Variants in LMX1B observed in about 807,000 individuals in gnomAD.
LMX1B encodes LIM homeobox transcription factor 1-beta.
Under a neutral mutation model 51.4 loss-of-function variants are expected in LMX1B, and 12 were observed. The ratio of observed to expected loss-of-function variants is 0.23; its 90% CI spans 0.15 to 0.38. LMX1B has a LOEUF of 0.38. Ranked by LOEUF, LMX1B falls within the 10% of genes least tolerant of loss-of-function variation. LMX1B has a pLI of 1.00. For synonymous variants in LMX1B, 237 were observed against 235.4 expected, an observed-to-expected ratio of 1.01 and a Z score of -0.06; for missense variants, 445 against 571.1, an observed-to-expected ratio of 0.78 and a Z score of 2.25.
intron 2 of LMX1B, among the ~76,000 whole-genome samples, chr9:126,688,160 T>C (rs10987411): frequency 0.46 from 69,692 of 152,160 alleles, 16,284 homozygotes; most frequent in East Asian, 0.54. Context: ...GCGCTGCCTC[T>C]GTAATGGCGG....
rs529926710 is a variant in LMX1B, at chr9:126,672,452, G to GTTTAT, written c.327-18365_327-18361dup. Among the ~76,000 whole-genome samples the GTTTAT allele has an allele frequency of 1.5e-3, 223 of 152,252 alleles. 2 individuals carry two copies. Among genetic ancestry groups the GTTTAT allele is most frequent in the East Asian group, 6.8e-3 (35 of 5,182 alleles). ...AGTGATTAGAAGCTGCAGAGACTCAGTTTATTTTATTTTATTTTATTTTTT... is the reference window on the plus strand; with the variant it reads ...AGTGATTAGAAGCTGCAGAGACTCAGTTTATTTTATTTTATTTTATTTTATTTTTT... On this transcript the variant is annotated intron_variant, in intron 2 of 7. Transcript: ENST00000373474.
intron 2 of LMX1B, among the ~76,000 whole-genome samples, chr9:126,680,512 A>G (rs1836652351): frequency 6.6e-6 from 1 of 152,226 alleles, no homozygotes; most frequent in South Asian, 2.1e-4. Flanking sequence ...TTAGTAAGCA[A>G]TAATAATGAT....
Position 126,615,391 on chromosome 9 carries a change from T to C in LMX1B, c.148T>C (p.Cys50Arg). 1 of 1,599,532 alleles carries C rather than the reference T, an allele frequency of 6.3e-7. No individual in the cohort carries two copies. The highest frequency in any genetic ancestry group is 8.5e-7 in the Non-Finnish European group (1 of 1,174,838). ...CGCCCTGTGCGCTACAGGCTCCGAC[T>C]GCCCGCATCCCGCCGTCTGCGAGGG... ...ATLGVLLGSD[C>R]PHPAVCEGCQ... The change falls in exon 2 of 8, where the codon TGC becomes CGC. Residue 50 changes from cysteine (C) to arginine (R), a missense_variant. Physicochemically the swap from Cys to Arg is radical, Grantham distance 180. Around this residue, in one of 3 missense-constraint regions of LMX1B, gnomAD observed 273 missense variants for 343.3 expected, o/e 0.80. Coordinates refer to ENST00000373474, the MANE Select transcript of LMX1B (RefSeq NM_001174147.2). The surrounding 1 kb of genome is among the most constrained non-coding windows in gnomAD (Gnocchi z 6.0).
intron 2 of LMX1B, among the ~76,000 whole-genome samples, chr9:126,637,670 C>A (rs1468857619): frequency 6.6e-6 from 1 of 152,050 alleles, no homozygotes; most frequent in Non-Finnish European, 1.5e-5. Context: ...ACAGGCAGAG[C>A]AGCAGATGGC....
intron 2 of LMX1B, among the ~76,000 whole-genome samples, chr9:126,689,874 T>C (rs975493688): frequency 2.0e-5 from 3 of 152,238 alleles, no homozygotes; most frequent in African/African-American, 7.2e-5. Flanking sequence ...ATGGGGTTAA[T>C]GTTCATTCTT....
intron 2 of LMX1B, among the ~76,000 whole-genome samples, chr9:126,631,154 G>A (rs1006026097): frequency 1.4e-4 from 21 of 152,378 alleles, no homozygotes; most frequent in East Asian, 7.7e-4. Flanking sequence ...GGAGCTGGCC[G>A]CCCACTGGTT....
At chr9:126,681,956 C>T (rs1252107230) in intron 2 of LMX1B, among the ~76,000 whole-genome samples, 2 of 150,948 alleles carry the variant, frequency 1.3e-5, no homozygotes, top group Non-Finnish European at 3.0e-5. Context: ...CACCCCCCCA[C>T]CCTTCCCAGG....
Position 126,637,853 on chromosome 9 carries a change from G to T in LMX1B, c.326+22284G>T, listed in dbSNP as rs374851174. On this transcript the variant is annotated intron_variant, in intron 2 of 7. Coordinates refer to ENST00000373474, the MANE Select transcript of LMX1B (RefSeq NM_001174147.2). ...CCCCCCGCCCCCCGCTCTCTGTACT[G>T]GGAACAGTACAGTACCCTCCCCTCC... is the stretch of plus-strand genomic sequence containing the variant. Among the ~76,000 whole-genome samples the T allele has an allele frequency of 9.1e-4, 109 of 119,786 alleles. 2 individuals are homozygous for T. The South Asian group carries it at 0.028, about 31-fold the overall frequency. 78.6% of individuals were successfully genotyped at this position (119,786 alleles called of 152,430 possible).
chr9:126,635,363 G>T lies in LMX1B; in HGVS notation c.326+19794G>T, dbSNP rs573713038. 1.5e-3 allele frequency among the ~76,000 whole-genome samples: 222 copies of T among 152,364 alleles called. 3 individuals are homozygous for T. Among genetic ancestry groups the T allele is most frequent in the African/African-American group, 5.1e-3 (214 of 41,586 alleles). On this transcript the variant is annotated intron_variant, in intron 2 of 7. Transcript: ENST00000373474. ...GAGAACAGCTACATAGAGGAGGCGGGCACGAGAAGCTTCTGCAAAACCAGT... is the reference window on the plus strand; with the variant it reads ...GAGAACAGCTACATAGAGGAGGCGGTCACGAGAAGCTTCTGCAAAACCAGT...
At chr9:126,691,371 T>C (rs1303589361) in intron 3 of LMX1B, among the ~76,000 whole-genome samples, 1 of 151,930 alleles carries the variant, frequency 6.6e-6, no homozygotes, top group East Asian at 1.9e-4. Flanking sequence ...CTACCCTGAG[T>C]ATGGATACAT....
intron 2 of LMX1B, among the ~76,000 whole-genome samples, chr9:126,627,421 G>C (rs1835555261): frequency 6.6e-6 from 1 of 151,846 alleles, no homozygotes; most frequent in Non-Finnish European, 1.5e-5. Context: ...CTAACTTTGA[G>C]GGACTCTTCC....
intron 2 of LMX1B, among the ~76,000 whole-genome samples, chr9:126,632,114 C>A (rs1472589320): frequency 6.6e-6 from 1 of 152,162 alleles, no homozygotes; most frequent in Non-Finnish European, 1.5e-5. Context: ...TCCACTCTCT[C>A]GCAAGCAAAA....
At chr9:126,652,562 C>T (rs1212911549) in intron 2 of LMX1B, among the ~76,000 whole-genome samples, 5 of 152,220 alleles carry the variant, frequency 3.3e-5, no homozygotes, top group Non-Finnish European at 5.9e-5. Flanking sequence ...GTCTGTCCTC[C>T]GTGTGTACAC....
chr9:126,681,403 G>A (rs147094653), intron 2 of LMX1B, among the ~76,000 whole-genome samples: 7 of 152,184 alleles, frequency 4.6e-5, no homozygotes, highest in Non-Finnish European at 8.8e-5. Flanking sequence ...CCATCATTCC[G>A]GATGCTCAGC....
At chr9:126,657,770 C>T (rs554564721) in intron 2 of LMX1B, among the ~76,000 whole-genome samples, 1 of 152,368 alleles carries the variant, frequency 6.6e-6, no homozygotes, top group Non-Finnish European at 1.5e-5. Flanking sequence ...AGATGAAGAA[C>T]ATACCAAGAT....
At chr9:126,672,392 G>A (rs1320981669) in intron 2 of LMX1B, among the ~76,000 whole-genome samples, 1 of 152,252 alleles carries the variant, frequency 6.6e-6, no homozygotes, top group African/African-American at 2.4e-5. Flanking sequence ...ACTGTAGAGA[G>A]CTGTCCTTGG....
chr9:126,661,551 G>A (rs1034872475), intron 2 of LMX1B, among the ~76,000 whole-genome samples: 13 of 152,178 alleles, frequency 8.5e-5, no homozygotes, highest in African/African-American at 2.9e-4. Flanking sequence ...CCATGGAGAG[G>A]CGGCTTTCAG....
intron 2 of LMX1B, among the ~76,000 whole-genome samples, chr9:126,630,732 G>A (rs918360156): frequency 2.0e-5 from 3 of 152,236 alleles, no homozygotes; most frequent in Non-Finnish European, 2.9e-5. Context: ...TGAAAGCAGC[G>A]AGATTCAGAG....
intron 2 of LMX1B, among the ~76,000 whole-genome samples, chr9:126,646,439 T>C (rs1287384071): frequency 6.6e-6 from 1 of 152,204 alleles, no homozygotes; most frequent in Non-Finnish European, 1.5e-5. Flanking sequence ...CCTCCCTCTG[T>C]CTTTCCATCC....
Sources: gnomAD v4.1 joint callset for allele counts (sites outside exome capture counted in the v4.1 genomes callset) on GRCh38, gnomAD v4.1.1 for gene constraint, gnomAD v4.1.1 regional missense constraint, Gnocchi (gnomAD v3.1) non-coding constraint, MANE v1.5 for transcripts, NCBI Gene and HGNC (gene_info 2026-07-23, HGNC 2026-07-21) for gene names.